The following TMTC2 variants were observed in gnomAD, a reference collection of about 807,000 sequenced individuals.
TMTC2 encodes transmembrane O-mannosyltransferase targeting cadherins 2, also known as protein O-mannosyl-transferase TMTC2.
A neutral mutation model predicts 82.4 loss-of-function variants in TMTC2; 43 were observed. That is an observed-to-expected ratio of 0.52 (90% confidence interval 0.41 to 0.67). TMTC2 has a LOEUF of 0.67. Ranked by LOEUF, TMTC2 falls within the 30% of genes least tolerant of loss-of-function variation. The pLI, the probability that TMTC2 is intolerant of heterozygous loss-of-function variation, is 0.00. For synonymous variants in TMTC2, 408 were observed against 381.9 expected, an observed-to-expected ratio of 1.07 and a Z score of -0.80; for missense variants, 919 against 1,012.4, an observed-to-expected ratio of 0.91 and a Z score of 1.25.
intron 1 of TMTC2, among the ~76,000 whole-genome samples, chr12:82,730,726 T>C (rs1874753692): frequency 6.6e-6 from 1 of 152,220 alleles, no homozygotes; most frequent in African/African-American, 2.4e-5. Context: ...GATGGAGCCA[T>C]CTTGAAAAGA....
At chr12:82,888,481 T>G (rs1592603141) in intron 2 of TMTC2, among the ~76,000 whole-genome samples, 1 of 152,194 alleles carries the variant, frequency 6.6e-6, no homozygotes, top group South Asian at 2.1e-4. Flanking sequence ...AGAGATGAGG[T>G]CTCGCTATGT....
chr12:82,871,981 C>T (rs1872206393), intron 2 of TMTC2, among the ~76,000 whole-genome samples: 1 of 150,484 alleles, frequency 6.6e-6, no homozygotes, highest in African/African-American at 2.5e-5. Flanking sequence ...ATTTTTACTC[C>T]ATATTACAAA....
chr12:82,735,356 T>TG (rs1215226944), intron 1 of TMTC2, among the ~76,000 whole-genome samples: 1 of 151,230 alleles, frequency 6.6e-6, no homozygotes, highest in African/African-American at 2.4e-5. Context: ...TTGATTTTTT[T>TG]TTTTTTTGAG....
chr12:82,784,871 C>A (rs1417790023), intron 1 of TMTC2, among the ~76,000 whole-genome samples: 1 of 148,684 alleles, frequency 6.7e-6, no homozygotes, highest in Non-Finnish European at 1.5e-5. Context: ...GATTTCCTTG[C>A]GTGTGTGTCT....
At chr12:82,796,404 G>A (rs765917991) in intron 1 of TMTC2, among the ~76,000 whole-genome samples, 2 of 152,100 alleles carry the variant, frequency 1.3e-5, no homozygotes, top group Non-Finnish European at 2.9e-5. Flanking sequence ...TGTTTTAGTA[G>A]TGAAAAATTT....
chr12:83,004,878 A>C (rs1413773902), intron 8 of TMTC2, among the ~76,000 whole-genome samples: 1 of 151,086 alleles, frequency 6.6e-6, no homozygotes, highest in Non-Finnish European at 1.5e-5. Flanking sequence ...TAATTCCAGC[A>C]CTTTGGGAGG....
chr12:82,933,811 GAAATGATCTTGGAAAATAT>G (rs146690850), intron 4 of TMTC2, among the ~76,000 whole-genome samples: 11,609 of 152,118 alleles, frequency 0.076, 539 homozygotes, highest in African/African-American at 0.1. Context: ...AGGAAAAATA[GAAATGATCTTGGAAAATAT>G]AAAGTAAGCA....
At chr12:82,903,568 C>T (rs967678170) in intron 3 of TMTC2, among the ~76,000 whole-genome samples, 1 of 152,016 alleles carries the variant, frequency 6.6e-6, no homozygotes, top group Admixed American at 6.6e-5. Context: ...CCCGCCACCA[C>T]GCCCAGCTAA....
intron 3 of TMTC2, among the ~76,000 whole-genome samples, chr12:82,907,473 CA>C (rs554890834): frequency 2.8e-3 from 371 of 131,494 alleles, no homozygotes; most frequent in Admixed American, 3.8e-3. Context: ...AACTCCATCT[CA>C]AAAAAAAAAA....
chr12:82,810,353 C>T (rs1366097652), intron 1 of TMTC2, among the ~76,000 whole-genome samples: 1 of 150,986 alleles, frequency 6.6e-6, no homozygotes, highest in Non-Finnish European at 1.5e-5. Flanking sequence ...ATTTGAATTC[C>T]ACATTACAAA....
chr12:82,940,624 TGGTGGGGC>T, intron 4 of TMTC2, among the ~76,000 whole-genome samples: 1 of 151,930 alleles, frequency 6.6e-6, no homozygotes, highest in Non-Finnish European at 1.5e-5. Context: ...TTTTTTCCTC[TGGTGGGGC>T]CTCTGCACAT....
At chr12:82,858,977 T>C (rs1319949706) in intron 2 of TMTC2, among the ~76,000 whole-genome samples, 1 of 152,194 alleles carries the variant, frequency 6.6e-6, no homozygotes, top group East Asian at 1.9e-4. Flanking sequence ...TCCTGCTCTT[T>C]GTCCTTAGGG....
rs1300547893 is a variant in TMTC2 at position 83,134,368 on chromosome 12, T to A, written c.*1979T>A. On this transcript the variant is annotated 3_prime_UTR_variant, in exon 12 of 12. Transcript: ENST00000321196. Reference sequence around the variant, plus strand: ...ACATTTGTATTTATTTAAATAGTTATTGACCTATGATGACTTTCTAGTCTT... The same window carrying A: ...ACATTTGTATTTATTTAAATAGTTAATGACCTATGATGACTTTCTAGTCTT... 6.5e-6 allele frequency: 1 copy of A among 152,680 alleles called. No individual in the cohort carries two copies. The highest frequency in any genetic ancestry group is 1.9e-4 in the East Asian group (1 of 5,182). The allele number at this position is 152,680 out of a possible 1,614,324, so 9.5% of individuals were successfully genotyped here.
At chr12:82,816,440 C>T (rs1228117811) in intron 1 of TMTC2, among the ~76,000 whole-genome samples, 1 of 151,952 alleles carries the variant, frequency 6.6e-6, no homozygotes, top group Non-Finnish European at 1.5e-5. Context: ...TGGGGGGCCG[C>T]AGAATTTTCA....
intron 1 of TMTC2, among the ~76,000 whole-genome samples, chr12:82,762,583 G>T (rs536552677): frequency 1.3e-5 from 2 of 152,262 alleles, no homozygotes; most frequent in East Asian, 1.9e-4. Context: ...AGTCAGCTGG[G>T]TGCAGTGGCT....
intron 1 of TMTC2, among the ~76,000 whole-genome samples, chr12:82,758,235 C>T (rs1340986543): frequency 6.6e-6 from 1 of 151,894 alleles, no homozygotes; most frequent in Non-Finnish European, 1.5e-5. Flanking sequence ...TGTGTATATT[C>T]CTTTATTTAG....
chr12:82,984,078 A>C (rs1879048176), intron 7 of TMTC2, among the ~76,000 whole-genome samples: 1 of 151,718 alleles, frequency 6.6e-6, no homozygotes, highest in African/African-American at 2.4e-5. Context: ...TTTCTAATCT[A>C]TCATTTTAAC....
chr12:82,748,178 G>A (rs922563771), intron 1 of TMTC2, among the ~76,000 whole-genome samples: 5 of 152,144 alleles, frequency 3.3e-5, no homozygotes, highest in African/African-American at 1.2e-4. Flanking sequence ...AGGTGTGGTG[G>A]CACGCACCTG....
chr12:82,832,256 T>C (rs1869789472), intron 1 of TMTC2, among the ~76,000 whole-genome samples: 1 of 151,968 alleles, frequency 6.6e-6, no homozygotes, highest in Non-Finnish European at 1.5e-5. Context: ...AATATAACTC[T>C]GCAAGCTAGT....
Sources: gnomAD v4.1 joint callset for allele counts (sites outside exome capture counted in the v4.1 genomes callset) on GRCh38, gnomAD v4.1.1 for gene constraint, MANE v1.5 for transcripts, NCBI Gene and HGNC (gene_info 2026-07-23, HGNC 2026-07-21) for gene names.